AOX1: variants seen among roughly 807,000 people sequenced by gnomAD.
AOX1 encodes the protein aldehyde oxidase.
Under a neutral mutation model 169.5 loss-of-function variants are expected in AOX1, and 153 were observed. That is an observed-to-expected ratio of 0.90 (90% CI 0.79 to 1.03). AOX1 has a LOEUF of 1.03. Among genes scored for constraint, AOX1 ranks in the 50% least tolerant of loss-of-function variants. The pLI, the probability that AOX1 is intolerant of heterozygous loss-of-function variation, is 0.00. For missense variants in AOX1, 1,656 were observed against 1,663.9 expected (o/e 1.00, Z 0.08); for synonymous variants, 562 against 581.9 (o/e 0.97, Z 0.49).
chr2:200,597,051 A>G (rs2034298088), intron 3 of AOX1, among the ~76,000 whole-genome samples: 1 of 152,206 alleles, frequency 6.6e-6, no homozygotes, highest in African/African-American at 2.4e-5. Context: ...CCATAGGTGC[A>G]TGGTTACCTG....
chr2:200,658,336 T>G (rs1465168332), intron 27 of AOX1, among the ~76,000 whole-genome samples: 1 of 152,262 alleles, frequency 6.6e-6, no homozygotes, highest in Non-Finnish European at 1.5e-5. Flanking sequence ...TTTCTGAGTA[T>G]AAAGATGTTA....
intron 14 of AOX1, among the ~76,000 whole-genome samples, chr2:200,613,027 T>TGTGTGTGTGTGAGAGA (rs112472592): frequency 8.9e-5 from 13 of 146,210 alleles, no homozygotes; most frequent in African/African-American, 3.1e-4. Context: ...TGTGTGTGTG[T>TGTGTGTGTGTGAGAGA]GAGAGAGAGA....
At chr2:200,634,164 A>ATTTT (rs58341876) in intron 20 of AOX1, among the ~76,000 whole-genome samples, 25 of 84,958 alleles carry the variant, frequency 2.9e-4, no homozygotes, top group African/African-American at 7.2e-4. Context: ...TTTCTTGAGG[A>ATTTT]TTTTTTTTTT....
Position 200,638,277 on chromosome 2 carries a change from G to C in AOX1, c.2543G>C (p.Arg848Pro). 2 of 1,613,422 alleles carry C rather than the reference G, an allele frequency of 1.2e-6. No individual in the cohort carries two copies. Among genetic ancestry groups the C allele is most frequent in the South Asian group, 2.2e-5 (2 of 91,070 alleles). Reference sequence around the variant, plus strand: ...GAAGACATGTTAATAACTGGAGGCCGCCATCCTTACCTTGGAAAGTACAAA... The same window carrying C: ...GAAGACATGTTAATAACTGGAGGCCCCCATCCTTACCTTGGAAAGTACAAA... ...RGEDMLITGG[R>P]HPYLGKYKAG... Residue 848 changes from arginine to proline, a missense_variant, in exon 23 of 35, where the codon CGC (arginine) becomes CCC (proline). By Grantham distance (103) the Arg-to-Pro change is moderately radical. Transcript: ENST00000374700.
chr2:200,640,618 G>A (rs1303769414), intron 23 of AOX1, among the ~76,000 whole-genome samples: 6 of 152,222 alleles, frequency 3.9e-5, no homozygotes, highest in Admixed American at 3.9e-4. Flanking sequence ...CTGGAAGAAC[G>A]ATGAAGAGCT....
intron 7 of AOX1, 109 bp downstream of exon 7, chr2:200,603,465 C>G: frequency 2.6e-6 from 2 of 756,062 alleles, no homozygotes; most frequent in Non-Finnish European, 4.4e-6. Context: ...TGAGGTATGT[C>G]AACATGTGCC....
Position 200,612,711 on chromosome 2 carries a change from A to T in AOX1, c.1366A>T (p.Ile456Phe), listed in dbSNP as rs1403513913. The T allele has an allele frequency of 6.2e-7, 1 of 1,614,096 alleles. No homozygotes were observed. The highest frequency in any genetic ancestry group is 8.5e-7 in the Non-Finnish European group (1 of 1,179,998). Residue 456 changes from isoleucine (I) to phenylalanine (F), a missense_variant, in exon 14 of 35, where the codon ATT becomes TTT. Transcript: ENST00000374700. Reference sequence around the variant, plus strand: ...CTTTTTTGGAGAAGGGGATGGCATTATTAGAGAGTTATGCATCTCATATGG... The same window carrying T: ...CTTTTTTGGAGAAGGGGATGGCATTTTTAGAGAGTTATGCATCTCATATGG... ...RVFFGEGDGI[I>F]RELCISYGGV...
chr2:200,665,065 C>T (rs2035900658), intron 31 of AOX1, among the ~76,000 whole-genome samples: 1 of 152,196 alleles, frequency 6.6e-6, no homozygotes, highest in South Asian at 2.1e-4. Context: ...GGCCAGAGGC[C>T]TCCATTCTTT....
chr2:200,648,931 C>A (rs1193946003), intron 25 of AOX1, among the ~76,000 whole-genome samples: 1 of 152,052 alleles, frequency 6.6e-6, no homozygotes, highest in African/African-American at 2.4e-5. Context: ...GGTCTCACTC[C>A]CAATGTGTAC....
intron 19 of AOX1, 134 bp downstream of exon 19, chr2:200,624,117 C>T (rs2034950179): frequency 1.9e-6 from 2 of 1,046,824 alleles, no homozygotes; most frequent in East Asian, 2.5e-5. Context: ...TAACCTCTAA[C>T]CAGTCTCAGT....
intron 1 of AOX1, among the ~76,000 whole-genome samples, chr2:200,592,700 TAAAC>T (rs199925256): frequency 0.017 from 2,652 of 152,296 alleles, 50 homozygotes; most frequent in Non-Finnish European, 0.023. Context: ...TTGAACAAGA[TAAAC>T]AAACAAGTCT....
At chr2:200,663,531 C>CACACAT (rs759902180) in intron 31 of AOX1, among the ~76,000 whole-genome samples, 5 of 149,596 alleles carry the variant, frequency 3.3e-5, no homozygotes, top group Non-Finnish European at 7.4e-5. Context: ...AAGAGATACA[C>CACACAT]ACACATACAC....
downstream of AOX1, among the ~76,000 whole-genome samples, chr2:200,675,793 G>A (rs1051395040): frequency 6.6e-6 from 1 of 151,966 alleles, no homozygotes; most frequent in Admixed American, 6.5e-5. Flanking sequence ...CTTCACAACA[G>A]CCCCAAGGGA....
At chr2:200,595,443 A>C (rs1394095928) in intron 3 of AOX1, 75 bp downstream of exon 3, 24 of 1,056,244 alleles carry the variant, frequency 2.3e-5, no homozygotes. Context: ...CATTTGGTAA[A>C]TATATATTGA....
intron 30 of AOX1, among the ~76,000 whole-genome samples, chr2:200,662,269 T>C (rs1363624516): frequency 6.6e-6 from 1 of 152,190 alleles, no homozygotes; most frequent in Admixed American, 6.5e-5. Context: ...CACCTCCAGG[T>C]TGCAGGGCAG....
chr2:200,650,284 T>G (rs867642346), intron 25 of AOX1, among the ~76,000 whole-genome samples: 1 of 152,174 alleles, frequency 6.6e-6, no homozygotes, highest in South Asian at 2.1e-4. Flanking sequence ...TAATTTCCAG[T>G]GTTTCTCTTA....
chr2:200,601,679 C>G (rs2034416827), intron 5 of AOX1, among the ~76,000 whole-genome samples: 1 of 151,884 alleles, frequency 6.6e-6, no homozygotes, highest in African/African-American at 2.4e-5. Flanking sequence ...CGCCTGTAAT[C>G]CCAACATTTA....
chr2:200,669,004 T>C (rs975433689), intron 33 of AOX1, among the ~76,000 whole-genome samples: 2 of 152,232 alleles, frequency 1.3e-5, no homozygotes, highest in Non-Finnish European at 2.9e-5. Context: ...TCAACTACTA[T>C]TGCCATCAGG....
intron 29 of AOX1, among the ~76,000 whole-genome samples, chr2:200,660,370 G>T (rs1318411391): frequency 6.6e-6 from 1 of 152,170 alleles, no homozygotes; most frequent in Non-Finnish European, 1.5e-5. Context: ...GGGTTGTCTA[G>T]ATAATAACTG....
Sources: allele counts gnomAD v4.1 joint callset (sites outside exome capture counted in the v4.1 genomes callset), GRCh38; gene constraint gnomAD v4.1.1; transcripts MANE v1.5; gene names NCBI Gene and HGNC (gene_info 2026-07-23, HGNC 2026-07-21).